The following SETDB1 variants were observed in gnomAD, a reference collection of about 807,000 sequenced individuals.
SETDB1 encodes histone-lysine N-methyltransferase SETDB1.
In SETDB1, 31 loss-of-function variants were observed where a neutral mutation model predicts 137.4. The ratio of observed to expected loss-of-function variants is 0.23; its 90% CI spans 0.17 to 0.30. The LOEUF is 0.30. SETDB1 is among the 10% of genes least tolerant of loss of function. The pLI is 1.00. For synonymous variants in SETDB1, 548 were observed against 579.9 expected (o/e 0.95, Z 0.79); for missense variants, 1,113 against 1,631.5 (o/e 0.68, Z 5.47).
intron 9 of SETDB1, among the ~76,000 whole-genome samples, chr1:150,946,000 CCTGTT>C (rs1457036180): frequency 1.6e-5 from 2 of 128,658 alleles, no homozygotes; most frequent in Non-Finnish European, 3.5e-5. Flanking sequence ...CCACGCCTGG[CCTGTT>C]TTGTTTTGTT....
At chr1:150,962,087 C>G (rs587740285) in intron 16 of SETDB1, 43 bp from the exon 17 acceptor site, 89 of 1,612,496 alleles carry the variant, frequency 5.5e-5, no homozygotes, top group Non-Finnish European at 6.5e-5. Flanking sequence ...ACTTGTTACC[C>G]GAGGCTGTGA....
chr1:150,926,436 CT>C lies in SETDB1; in HGVS notation c.-89del. ...CCTCCCTTATCCCTTCGCTTTCGCT[CT>C]TTTCCGTCGAGGCCGACCCCTGAGT... On this transcript the variant is annotated 5_prime_UTR_variant, in exon 1 of 22. Transcript: ENST00000692827. 3.5e-6 allele frequency: 1 copy of C among 283,914 alleles called. No homozygotes were observed. 17.6% of individuals were successfully genotyped at this position (283,914 alleles called of 1,614,324 possible).
intron 19 of SETDB1, 146 bp downstream of exon 19, chr1:150,963,285 C>G (rs1010048977): frequency 1.0e-5 from 8 of 776,808 alleles, no homozygotes; most frequent in African/African-American, 1.8e-5. Context: ...TGACTCCAAG[C>G]TAAACTATTG....
intron 4 of SETDB1, 104 bp from the exon 5 acceptor site, chr1:150,941,225 C>G (rs767210791): frequency 2.2e-5 from 14 of 648,830 alleles, no homozygotes; most frequent in Non-Finnish European, 3.6e-5. Flanking sequence ...AAACATAACT[C>G]ACTCCATTTT....
intron 2 of SETDB1, 30 bp downstream of exon 2, chr1:150,928,004 T>A: frequency 1.9e-5 from 28 of 1,475,026 alleles, no homozygotes; most frequent in Non-Finnish European, 2.6e-5. Context: ...TAGAAGGAAA[T>A]CTCTCCATTG....
chr1:150,952,113 A>C (rs1190314265), intron 14 of SETDB1, among the ~76,000 whole-genome samples: 3 of 151,808 alleles, frequency 2.0e-5, no homozygotes, highest in Non-Finnish European at 4.4e-5. Context: ...ATGCCACTGC[A>C]CTTCAGCCTG....
At position 150,960,959 on chromosome 1, in the gene SETDB1, G is replaced by A; in HGVS notation, c.2900G>A (p.Gly967Asp). Reference protein sequence around the residue: ...HIPVPPSIPVGGCNPPSSEET... With the variant: ...HIPVPPSIPVDGCNPPSSEET... ...CCTGTTCCTCCCTCAATCCCTGTAGGTGGCTGCAATCCACCTTCCTCCGAA... is the reference window on the plus strand; with the variant it reads ...CCTGTTCCTCCCTCAATCCCTGTAGATGGCTGCAATCCACCTTCCTCCGAA... Residue 967 changes from glycine (G) to aspartate (D), a missense_variant, in exon 16 of 22, where the codon GGT becomes GAT. Gly to Asp is a moderately conservative substitution (Grantham distance 94). Around this residue, in one of 11 missense-constraint regions of SETDB1, gnomAD observed 373 missense variants for 412.7 expected, o/e 0.90. Coordinates refer to ENST00000692827, the MANE Select transcript of SETDB1 (RefSeq NM_001366418.1). The A allele has an allele frequency of 6.2e-7, 1 of 1,613,708 alleles. No homozygotes were observed. The highest frequency in any genetic ancestry group is 8.5e-7 in the Non-Finnish European group (1 of 1,179,958).
At chr1:150,962,784 T>C in intron 18 of SETDB1, 65 bp downstream of exon 18, 2 of 1,553,736 alleles carry the variant, frequency 1.3e-6, no homozygotes, top group Non-Finnish European at 1.8e-6. Flanking sequence ...CCTCATCAAG[T>C]CCTTCACTAT....
intron 3 of SETDB1, among the ~76,000 whole-genome samples, chr1:150,933,582 G>A (rs938787769): frequency 1.3e-5 from 2 of 148,852 alleles, no homozygotes; most frequent in African/African-American, 4.9e-5. Flanking sequence ...TCTCTGTGTT[G>A]GCCAGTCTTG....
intron 14 of SETDB1, among the ~76,000 whole-genome samples, chr1:150,958,944 C>T (rs770118446): frequency 1.5e-4 from 23 of 152,094 alleles, no homozygotes; most frequent in Non-Finnish European, 3.1e-4. Context: ...TTGCTATAGA[C>T]ATCTTTATAA....
chr1:150,951,910 G>A (rs1670498577), intron 14 of SETDB1, among the ~76,000 whole-genome samples: 2 of 152,244 alleles, frequency 1.3e-5, no homozygotes, highest in Non-Finnish European at 2.9e-5. Context: ...CACTTTCGGA[G>A]GCCAAGGTGG....
At chr1:150,941,525 G>A in intron 5 of SETDB1, 97 bp downstream of exon 5, 1 of 727,074 alleles carries the variant, frequency 1.4e-6, no homozygotes, top group Admixed American at 2.2e-5. Context: ...TGACATGCCA[G>A]ACTCAGTATC....
At chr1:150,955,193 A>G (rs1670603983) in intron 14 of SETDB1, among the ~76,000 whole-genome samples, 1 of 152,234 alleles carries the variant, frequency 6.6e-6, no homozygotes, top group Non-Finnish European at 1.5e-5. Context: ...GAATCTAACA[A>G]TAGCGTTTAG....
chr1:150,939,876 T>C, intron 3 of SETDB1, 64 bp from the exon 4 acceptor site: 1 of 1,240,142 alleles, frequency 8.1e-7, no homozygotes, highest in Non-Finnish European at 1.2e-6. Flanking sequence ...AAGTTAGTTC[T>C]TAATTTCCCA....
chr1:150,963,887 A>T, intron 20 of SETDB1, 108 bp from the exon 21 acceptor site: 1 of 1,284,184 alleles, frequency 7.8e-7, no homozygotes, highest in Non-Finnish European at 1.1e-6. Flanking sequence ...AGCATCTATT[A>T]TAATGGGGAG....
Position 150,962,976 on chromosome 1 carries a change from T to C in SETDB1, c.3297T>C (p.Asp1099=). Residue 1099 remains aspartate, a splice_region_variant and synonymous_variant, in exon 19 of 22, where the codon GAT becomes GAC. Coordinates refer to ENST00000692827, the MANE Select transcript of SETDB1 (RefSeq NM_001366418.1). ...LMASAQSNPD[D]VLTLSSSTES... Reference sequence around the variant, plus strand: ...TTCTTACCCTCCTGCTTCCCCAGGATGTCCTGACACTGTCCAGCAGCACAG... The same window carrying C: ...TTCTTACCCTCCTGCTTCCCCAGGACGTCCTGACACTGTCCAGCAGCACAG... 1 of 1,613,112 alleles carries C rather than the reference T, an allele frequency of 6.2e-7. No individual in the cohort carries two copies. Among genetic ancestry groups the C allele is most frequent in the Non-Finnish European group, 8.5e-7 (1 of 1,179,334 alleles).
chr1:150,930,392 T>G (rs587731605), intron 3 of SETDB1: 1 of 338,256 alleles, frequency 3.0e-6, no homozygotes, highest in African/African-American at 2.1e-5. Context: ...CCAGGACTTA[T>G]AGTGAGTGTA....
chr1:150,963,330 T>C, intron 19 of SETDB1, 191 bp downstream of exon 19: 1 of 727,920 alleles, frequency 1.4e-6, no homozygotes, highest in Non-Finnish European at 2.3e-6. Flanking sequence ...ATTTTTTTAC[T>C]CTTTCCCCTC....
Position 150,943,969 on chromosome 1 carries a change from G to A in SETDB1, c.925G>A (p.Glu309Lys), listed in dbSNP as rs781546375. 6.2e-7 allele frequency: 1 copy of A among 1,613,278 alleles called. No homozygotes were observed. Among genetic ancestry groups the A allele is most frequent in the East Asian group, 2.2e-5 (1 of 44,888 alleles). Residue 309 changes from glutamate (E) to lysine (K), a missense_variant, in exon 8 of 22, where the codon GAA becomes AAA. Physicochemically the swap from Glu to Lys is moderately conservative, Grantham distance 56. Coordinates refer to ENST00000692827, the MANE Select transcript of SETDB1 (RefSeq NM_001366418.1). ...DGYASYVTQS[E>K]LYPICRPLKK... ...CTATGCTTCCTATGTCACACAGTCG[G>A]AACTGTATCCCATTTGCCGGCCACG...
Sources: gnomAD v4.1 joint callset for allele counts (sites outside exome capture counted in the v4.1 genomes callset) on GRCh38, gnomAD v4.1.1 for gene constraint, gnomAD v4.1.1 regional missense constraint, MANE v1.5 for transcripts, NCBI Gene and HGNC (gene_info 2026-07-23, HGNC 2026-07-21) for gene names.